Variants in MARCHF1 observed in about 807,000 individuals in gnomAD.
The protein encoded by MARCHF1 is membrane associated ring-CH-type finger 1, also known as E3 ubiquitin-protein ligase MARCHF1.
A neutral mutation model predicts 54.2 loss-of-function variants in MARCHF1; 40 were observed. The ratio of observed to expected loss-of-function variants is 0.74; its 90% CI spans 0.57 to 0.96. MARCHF1 has a LOEUF of 0.96. Ranked by LOEUF, MARCHF1 falls within the 40% of genes least tolerant of loss-of-function variation. MARCHF1 has a pLI of 0.00. For synonymous variants in MARCHF1, 236 were observed against 236.3 expected (o/e 1.00, Z 0.01); for missense variants, 586 against 656.5 (o/e 0.89, Z 1.17).
intron 1 of MARCHF1, among the ~76,000 whole-genome samples, chr4:164,380,733 C>T (rs759528331): frequency 6.6e-6 from 1 of 152,102 alleles, no homozygotes; most frequent in Non-Finnish European, 1.5e-5. Flanking sequence ...ACACTATAAC[C>T]GTTGACTTTC....
chr4:164,373,435 A>C (rs1011850328), intron 1 of MARCHF1, among the ~76,000 whole-genome samples: 1 of 129,752 alleles, frequency 7.7e-6, no homozygotes, highest in Non-Finnish European at 1.5e-5. Flanking sequence ...GCTCACTGCT[A>C]TCTCCACCTC....
intron 5 of MARCHF1, among the ~76,000 whole-genome samples, chr4:163,653,803 G>C (rs1743050979): frequency 6.6e-6 from 1 of 151,250 alleles, no homozygotes; most frequent in Non-Finnish European, 1.5e-5. Flanking sequence ...GGAAACACAA[G>C]TTTGAGATGG....
intron 5 of MARCHF1, among the ~76,000 whole-genome samples, chr4:163,698,740 T>G (rs1489869758): frequency 6.6e-6 from 1 of 152,150 alleles, no homozygotes; most frequent in African/African-American, 2.4e-5. Context: ...AGTTTAGAAA[T>G]GCAGATATAA....
intron 8 of MARCHF1, among the ~76,000 whole-genome samples, chr4:163,572,747 A>T (rs1181813004): frequency 6.6e-6 from 1 of 152,090 alleles, no homozygotes; most frequent in Non-Finnish European, 1.5e-5. Flanking sequence ...GACCTCTGTC[A>T]GAATAACAAA....
At chr4:164,011,823 A>G (rs1276137160) in intron 2 of MARCHF1, among the ~76,000 whole-genome samples, 1 of 152,192 alleles carries the variant, frequency 6.6e-6, no homozygotes, top group African/African-American at 2.4e-5. Flanking sequence ...TATTGAAGAG[A>G]GTAGGTAAGA....
intron 1 of MARCHF1, among the ~76,000 whole-genome samples, chr4:164,135,252 C>A (rs1756376746): frequency 6.6e-6 from 1 of 152,190 alleles, no homozygotes; most frequent in South Asian, 2.1e-4. Context: ...TTAGAGAACA[C>A]TGCCTTTTAA....
At chr4:163,973,810 G>A (rs1266095229) in intron 3 of MARCHF1, among the ~76,000 whole-genome samples, 3 of 152,194 alleles carry the variant, frequency 2.0e-5, no homozygotes, top group Non-Finnish European at 4.4e-5. Flanking sequence ...AACATATTCT[G>A]AGTAGCCAGC....
intron 2 of MARCHF1, among the ~76,000 whole-genome samples, chr4:164,068,406 G>A (rs1334768825): frequency 1.3e-5 from 2 of 152,166 alleles, no homozygotes; most frequent in African/African-American, 4.8e-5. Flanking sequence ...GGAGAGGCAT[G>A]GGTGGGAACC....
In MARCHF1 at chr4:164,062,556, G is replaced by A. The variant is rs185465596; in HGVS notation, c.-248+49032C>T. 5.1e-3 allele frequency among the ~76,000 whole-genome samples: 774 copies of A among 151,920 alleles called. 3 individuals carry two copies. The highest frequency in any genetic ancestry group is 0.011 in the South Asian group (51 of 4,802). ...ATTTATTTATTGGAGACAGAGTCTC[G>A]CTCTGTTGCCCAGGCTGGAGTGCAG... On this transcript the variant is annotated intron_variant, in intron 2 of 9. Transcript: ENST00000514618.
chr4:164,007,224 T>C (rs1366161462), intron 2 of MARCHF1, among the ~76,000 whole-genome samples: 6 of 150,544 alleles, frequency 4.0e-5, no homozygotes, highest in African/African-American at 1.5e-4. Context: ...CAGGCACCTG[T>C]AGTCCCAGCT....
At chr4:163,877,275 A>G (rs1269440946) in intron 3 of MARCHF1, among the ~76,000 whole-genome samples, 2 of 152,146 alleles carry the variant, frequency 1.3e-5, no homozygotes, top group Admixed American at 6.6e-5. Flanking sequence ...TTTAATCTCA[A>G]TATGTTCACC....
At chr4:164,272,111 TAG>T (rs1165599474) in intron 1 of MARCHF1, among the ~76,000 whole-genome samples, 3 of 151,906 alleles carry the variant, frequency 2.0e-5, no homozygotes, top group East Asian at 1.9e-4. Context: ...TGATAAAAGT[TAG>T]AGTCTAAAAG....
intron 1 of MARCHF1, among the ~76,000 whole-genome samples, chr4:164,193,354 G>A (rs969263022): frequency 6.6e-6 from 1 of 151,896 alleles, no homozygotes; most frequent in Non-Finnish European, 1.5e-5. Flanking sequence ...CCCTATATCT[G>A]TAACTTCCCA....
At chr4:164,155,949 T>A (rs17044608) in intron 1 of MARCHF1, among the ~76,000 whole-genome samples, 1,988 of 152,292 alleles carry the variant, frequency 0.013, 40 homozygotes, top group African/African-American at 0.042. Context: ...CAAAGTAGCA[T>A]ATATTAGTGG....
intron 1 of MARCHF1, among the ~76,000 whole-genome samples, chr4:164,382,254 C>A (rs569132141): frequency 6.6e-6 from 1 of 152,170 alleles, no homozygotes; most frequent in East Asian, 1.9e-4. Context: ...AAAGAGCAAT[C>A]ACTAAGAAAA....
chr4:164,229,902 C>A (rs373574421), intron 1 of MARCHF1, among the ~76,000 whole-genome samples: 13 of 152,146 alleles, frequency 8.5e-5, no homozygotes, highest in African/African-American at 2.9e-4. Flanking sequence ...CTCCATGATC[C>A]AATCACCCCG....
intron 1 of MARCHF1, among the ~76,000 whole-genome samples, chr4:164,175,279 C>G (rs61130940): frequency 0.17 from 25,612 of 152,064 alleles, 3,184 homozygotes; most frequent in African/African-American, 0.34. Context: ...ATTTATGCAT[C>G]TAAAAAGCTA....
chr4:164,296,236 C>T (rs1734408301), intron 1 of MARCHF1, among the ~76,000 whole-genome samples: 1 of 152,158 alleles, frequency 6.6e-6, no homozygotes, highest in Non-Finnish European at 1.5e-5. Context: ...ACCCAACAGG[C>T]TGAGGGCCAT....
At chr4:164,042,807 G>C (rs1754157138) in intron 2 of MARCHF1, among the ~76,000 whole-genome samples, 1 of 152,168 alleles carries the variant, frequency 6.6e-6, no homozygotes, top group African/African-American at 2.4e-5. Context: ...GATACAATGG[G>C]GGTACAGGCA....
Sources: allele counts gnomAD v4.1 joint callset (sites outside exome capture counted in the v4.1 genomes callset), GRCh38; gene constraint gnomAD v4.1.1; transcripts MANE v1.5; gene names NCBI Gene and HGNC (gene_info 2026-07-23, HGNC 2026-07-21).